The following PTK2 variants were observed in gnomAD, a reference collection of about 807,000 sequenced individuals.
The protein encoded by PTK2 is protein tyrosine kinase 2, also known as focal adhesion kinase 1.
Under a neutral mutation model 150.1 loss-of-function variants are expected in PTK2, and 45 were observed. That is an observed-to-expected ratio of 0.30 (90% confidence interval 0.24 to 0.38). The LOEUF (loss-of-function observed/expected upper bound fraction) is 0.38. Among genes scored for constraint, PTK2 ranks in the 10% least tolerant of loss-of-function variants. PTK2 has a pLI of 1.00. For synonymous variants in PTK2, 432 were observed against 449.2 expected, an observed-to-expected ratio of 0.96 and a Z score of 0.48; for missense variants, 919 against 1,307.3, an observed-to-expected ratio of 0.70 and a Z score of 4.58.
chr8:140,980,073 C>T (rs2100190838), intron 1 of PTK2, among the ~76,000 whole-genome samples: 1 of 152,208 alleles, frequency 6.6e-6, no homozygotes, highest in Non-Finnish European at 1.5e-5. Flanking sequence ...ACTCAGCAAT[C>T]ACACTCCTAG....
chr8:140,826,922 A>G (rs948038547), intron 8 of PTK2, among the ~76,000 whole-genome samples: 1 of 152,080 alleles, frequency 6.6e-6, no homozygotes, highest in African/African-American at 2.4e-5. Flanking sequence ...TGTCTCTAAA[A>G]AAAAGGAAAA....
intron 27 of PTK2, among the ~76,000 whole-genome samples, chr8:140,680,368 C>CA (rs1383353059): frequency 6.6e-6 from 1 of 152,154 alleles, no homozygotes; most frequent in East Asian, 1.9e-4. Context: ...GCTGGGATTA[C>CA]AGGTACCCGC....
intron 26 of PTK2, among the ~76,000 whole-genome samples, chr8:140,690,310 G>A (rs1048249395): frequency 2.0e-5 from 3 of 151,968 alleles, no homozygotes; most frequent in Non-Finnish European, 2.9e-5. Context: ...AGAGTGCAGC[G>A]ACTATTCACA....
intron 10 of PTK2, among the ~76,000 whole-genome samples, chr8:140,809,269 T>A (rs1007602716): frequency 1.3e-5 from 2 of 152,192 alleles, no homozygotes; most frequent in East Asian, 1.9e-4. Flanking sequence ...TGAATAGTAC[T>A]GCTGCAATAC....
chr8:140,770,598 C>T lies in PTK2; in HGVS notation c.1178-6308G>A, dbSNP rs190768419. The T allele has an allele frequency of 1.0e-3, 334 of 322,382 alleles. 3 individuals are homozygous for T. The Admixed American group carries it at 0.017, about 16-fold the overall frequency. 20.0% of individuals were successfully genotyped at this position (322,382 alleles called of 1,614,324 possible). A position where few individuals can be genotyped will look rare whatever the true frequency, so the allele number is the denominator to read the frequency against. ...GCTTCTGAACAATGAACAGCACATA[C>T]ACTAATATTCAATAAAGCTATGATC... On this transcript the variant is annotated intron_variant, in intron 14 of 31. Coordinates refer to ENST00000522684, the Ensembl canonical transcript of PTK2.
intron 1 of PTK2, among the ~76,000 whole-genome samples, chr8:140,936,376 G>A (rs1397565955): frequency 1.3e-5 from 2 of 152,108 alleles, no homozygotes; most frequent in African/African-American, 4.8e-5. Context: ...GAGCGCTCAC[G>A]AAGTCTACAA....
chr8:140,759,148 C>T (rs919545597), intron 16 of PTK2, among the ~76,000 whole-genome samples: 9 of 152,116 alleles, frequency 5.9e-5, no homozygotes, highest in Admixed American at 3.3e-4. Flanking sequence ...TCTTTACACA[C>T]GGCACATGAT....
At chr8:140,686,766 ATTCC>A (rs1435543085) in intron 26 of PTK2, 72 bp from the exon 30 acceptor site, 1 of 1,311,028 alleles carries the variant, frequency 7.6e-7, no homozygotes, top group Non-Finnish European at 1.1e-6. Flanking sequence ...TCTGTATTAA[ATTCC>A]TTCCTTTTTA....
intron 23 of PTK2, among the ~76,000 whole-genome samples, chr8:140,707,804 C>T (rs1249093229): frequency 6.6e-6 from 1 of 152,188 alleles, no homozygotes; most frequent in Non-Finnish European, 1.5e-5. Flanking sequence ...ACTGAATATT[C>T]TGAGCCTGAG....
At chr8:140,845,322 A>T (rs1023262027) in intron 7 of PTK2, among the ~76,000 whole-genome samples, 1 of 152,050 alleles carries the variant, frequency 6.6e-6, no homozygotes, top group African/African-American at 2.4e-5. Context: ...TCTCTCCCTC[A>T]TAAGAATGGT....
intron 24 of PTK2, among the ~76,000 whole-genome samples, chr8:140,702,970 G>C (rs2100031603): frequency 2.0e-5 from 3 of 152,138 alleles, no homozygotes; most frequent in Admixed American, 6.5e-5. Flanking sequence ...GTAATTACAA[G>C]GGTCCTTAAA....
chr8:140,752,821 G>A (rs1216519699), intron 16 of PTK2, among the ~76,000 whole-genome samples: 1 of 152,240 alleles, frequency 6.6e-6, no homozygotes, highest in Non-Finnish European at 1.5e-5. Flanking sequence ...AAAACTAAAG[G>A]AGGGAGGAGA....
intron 1 of PTK2, among the ~76,000 whole-genome samples, chr8:140,955,960 A>G (rs1587225074): frequency 6.6e-6 from 1 of 152,220 alleles, no homozygotes; most frequent in African/African-American, 2.4e-5. Context: ...GGCTCTCTGG[A>G]AAAGGAGAGC....
chr8:140,920,928 A>G (rs780715182), intron 2 of PTK2: 16 of 1,498,676 alleles, frequency 1.1e-5, no homozygotes, highest in Non-Finnish European at 1.3e-5. Context: ...CCAATCCTAT[A>G]AAGATCAAGC....
intron 26 of PTK2, among the ~76,000 whole-genome samples, chr8:140,688,379 T>G (rs1489363890): frequency 2.0e-5 from 3 of 152,140 alleles, no homozygotes. Flanking sequence ...AAATATTCAT[T>G]TAAAAGCAAT....
chr8:140,792,158 G>A (rs142422024), intron 13 of PTK2, among the ~76,000 whole-genome samples: 87 of 152,302 alleles, frequency 5.7e-4, no homozygotes, highest in African/African-American at 2.0e-3. Flanking sequence ...TTTTCGCAGA[G>A]TTGCCACCAT....
intron 15 of PTK2, 58 bp downstream of exon 18, chr8:140,762,310 A>G (rs1356495612): frequency 2.9e-6 from 3 of 1,018,380 alleles, no homozygotes; most frequent in Non-Finnish European, 3.6e-6. Context: ...AACATCCCAT[A>G]TCACTCCACA....
intron 7 of PTK2, among the ~76,000 whole-genome samples, chr8:140,836,243 G>A (rs2100118590): frequency 6.6e-6 from 1 of 152,112 alleles, no homozygotes; most frequent in Admixed American, 6.5e-5. Flanking sequence ...CGGTAAAACT[G>A]GTTTCACTTT....
chr8:140,722,587 A>C (rs1159267599), intron 22 of PTK2, among the ~76,000 whole-genome samples: 1 of 152,164 alleles, frequency 6.6e-6, no homozygotes, highest in African/African-American at 2.4e-5. Context: ...TCAACTGGCC[A>C]AACAGGAAAG....
Sources: allele counts gnomAD v4.1 joint callset (sites outside exome capture counted in the v4.1 genomes callset), GRCh38; gene constraint gnomAD v4.1.1; transcripts MANE v1.5; gene names NCBI Gene and HGNC (gene_info 2026-07-23, HGNC 2026-07-21).